DYM: variants seen among roughly 807,000 people sequenced by gnomAD.
DYM encodes the protein dymeclin, also known as dyggve-Melchior-Clausen syndrome protein.
DYM carries 78 observed loss-of-function variants against 93.1 expected under a neutral mutation model. That is an observed-to-expected ratio of 0.84 (90% CI 0.70 to 1.01). The LOEUF is 1.01. DYM is among the 50% of genes least tolerant of loss of function. The pLI is 0.00. For missense variants in DYM, 789 were observed against 845.0 expected (o/e 0.93, Z 0.82); for synonymous variants, 321 against 319.7 (o/e 1.00, Z -0.04).
chr18:49,091,033 T>C (rs1195367407), intron 17 of DYM, among the ~76,000 whole-genome samples: 1 of 152,164 alleles, frequency 6.6e-6, no homozygotes, highest in East Asian at 1.9e-4. Flanking sequence ...TTTATAATAT[T>C]TTGGAATAAA....
intron 13 of DYM, among the ~76,000 whole-genome samples, chr18:49,226,336 C>T (rs191690731): frequency 9.5e-4 from 144 of 152,220 alleles, no homozygotes; most frequent in South Asian, 3.9e-3. Flanking sequence ...GGATGAAAAA[C>T]GTCTTCTGAC....
In DYM at chr18:49,346,831, T is replaced by G. The variant is rs543854080; in HGVS notation, c.495-12978A>C. On this transcript the variant is annotated intron_variant, in intron 6 of 17. Coordinates refer to ENST00000675505, the MANE Select transcript of DYM (RefSeq NM_001353214.3). ...TATTCATAACTGAATATACAGATGC[T>G]CTTTGACTAATAATGGAGTTATGTC... Among the ~76,000 whole-genome samples the G allele has an allele frequency of 7.5e-4, 114 of 152,298 alleles. 2 individuals carry two copies. Among genetic ancestry groups the G allele is most frequent in the African/African-American group, 2.7e-3 (113 of 41,568 alleles).
At chr18:49,146,560 CAGAG>C (rs1249598268) in intron 15 of DYM, among the ~76,000 whole-genome samples, 2 of 152,098 alleles carry the variant, frequency 1.3e-5, no homozygotes, top group African/African-American at 2.4e-5. Flanking sequence ...AACAGACAAA[CAGAG>C]AGCCAAATCA....
intron 17 of DYM, among the ~76,000 whole-genome samples, chr18:49,080,033 G>C (rs546981107): frequency 6.7e-6 from 1 of 149,910 alleles, no homozygotes; most frequent in Non-Finnish European, 1.5e-5. Context: ...TGGGCAGAGG[G>C]GTGCCTCACT....
At chr18:49,044,439 C>T (rs1183762502) in intron 17 of DYM, among the ~76,000 whole-genome samples, 1 of 152,230 alleles carries the variant, frequency 6.6e-6, no homozygotes, top group Non-Finnish European at 1.5e-5. Context: ...TGGCTAATGT[C>T]AGTTTGGCTG....
chr18:49,381,296 A>G (rs551891669), intron 3 of DYM, among the ~76,000 whole-genome samples: 1 of 152,298 alleles, frequency 6.6e-6, no homozygotes, highest in East Asian at 1.9e-4. Flanking sequence ...CCATACATAT[A>G]TATTTTAAAA....
intron 17 of DYM, among the ~76,000 whole-genome samples, chr18:49,094,397 CTTTA>C (rs2079362905): frequency 6.6e-6 from 1 of 152,180 alleles, no homozygotes; most frequent in South Asian, 2.1e-4. Context: ...GACATACTAA[CTTTA>C]TTTATTTCCT....
chr18:49,169,271 G>T (rs189372369), intron 14 of DYM, among the ~76,000 whole-genome samples: 4 of 152,338 alleles, frequency 2.6e-5, no homozygotes, highest in Admixed American at 1.3e-4. Context: ...GGAGAAAGAG[G>T]CAATCACTTT....
At chr18:49,190,160 T>C (rs1008747681) in intron 14 of DYM, among the ~76,000 whole-genome samples, 1 of 152,210 alleles carries the variant, frequency 6.6e-6, no homozygotes, top group Non-Finnish European at 1.5e-5. Flanking sequence ...CATTTAGGGA[T>C]AGTAAGAAAA....
intron 13 of DYM, among the ~76,000 whole-genome samples, chr18:49,215,534 C>G (rs1021759802): frequency 1.4e-4 from 21 of 152,298 alleles, no homozygotes; most frequent in Middle Eastern, 6.8e-3. Context: ...TCATCCCACC[C>G]TTGATACTGG....
intron 13 of DYM, among the ~76,000 whole-genome samples, chr18:49,234,836 T>A (rs2093812730): frequency 6.6e-6 from 1 of 152,154 alleles, no homozygotes; most frequent in Non-Finnish European, 1.5e-5. Flanking sequence ...GTCAGAGACA[T>A]GTGGCAGAAG....
At chr18:49,224,612 C>T (rs939174794) in intron 13 of DYM, among the ~76,000 whole-genome samples, 6 of 151,830 alleles carry the variant, frequency 4.0e-5, no homozygotes, top group Admixed American at 2.0e-4. Flanking sequence ...TACAAGAGTC[C>T]GAGAGAGCTT....
In DYM at chr18:49,156,176, C is replaced by T. The variant is rs2086399858; in HGVS notation, c.1728+7509G>A. Among the ~76,000 whole-genome samples the T allele has an allele frequency of 1.3e-5, 2 of 152,142 alleles. 1 individual carries two copies. Among genetic ancestry groups the T allele is most frequent in the South Asian group, 4.2e-4 (2 of 4,812 alleles). ...AGTATATTTTGATGTGCTAATTGGC[C>T]ACTTTTTATATCTTCTTTGGAAAAA... On this transcript the variant is annotated intron_variant, in intron 15 of 17. Transcript: ENST00000675505.
chr18:49,311,651 C>G (rs1399838588), intron 8 of DYM, among the ~76,000 whole-genome samples: 1 of 147,350 alleles, frequency 6.8e-6, no homozygotes, highest in Non-Finnish European at 1.5e-5. Context: ...ACCACATGTT[C>G]TCACTCATAG....
intron 15 of DYM, among the ~76,000 whole-genome samples, chr18:49,145,013 T>C (rs140213232): frequency 4.4e-4 from 65 of 146,706 alleles, no homozygotes; most frequent in African/African-American, 1.5e-3. Context: ...GGCGGGAGTA[T>C]TGCTTGAGCT....
chr18:49,375,957 C>A (rs1243557775), intron 5 of DYM, among the ~76,000 whole-genome samples: 4 of 152,058 alleles, frequency 2.6e-5, no homozygotes, highest in Admixed American at 1.3e-4. Context: ...GTTTTTGGAC[C>A]CTTGGACTTA....
chr18:49,368,341 T>C (rs1568327702), intron 5 of DYM, among the ~76,000 whole-genome samples: 1 of 152,148 alleles, frequency 6.6e-6, no homozygotes, highest in South Asian at 2.1e-4. Context: ...TCACACCTAT[T>C]ATATGACCAA....
intron 17 of DYM, among the ~76,000 whole-genome samples, chr18:49,070,476 C>T (rs1017906209): frequency 4.6e-5 from 7 of 152,332 alleles, no homozygotes; most frequent in Admixed American, 4.6e-4. Flanking sequence ...ATTCTGTCCA[C>T]GGCCATTCTT....
chr18:49,456,472 C>T (rs946703313), intron 1 of DYM, among the ~76,000 whole-genome samples: 1 of 151,886 alleles, frequency 6.6e-6, no homozygotes, highest in Admixed American at 6.6e-5. Flanking sequence ...AATTTGTCAT[C>T]GATCATATGA....
Sources: allele counts gnomAD v4.1 joint callset (sites outside exome capture counted in the v4.1 genomes callset), GRCh38; gene constraint gnomAD v4.1.1; transcripts MANE v1.5; gene names NCBI Gene and HGNC (gene_info 2026-07-23, HGNC 2026-07-21).